NDUFAF6: variants seen among roughly 807,000 people sequenced by gnomAD.
NDUFAF6 encodes NADH dehydrogenase (ubiquinone) complex I, assembly factor 6.
NDUFAF6 carries 45 observed loss-of-function variants against 40.8 expected under a neutral mutation model. The observed-to-expected ratio is 1.10, with a 90% CI of 0.87 to 1.42. The LOEUF (loss-of-function observed/expected upper bound fraction) is 1.42, where lower values mean the gene tolerates loss of function less well. NDUFAF6 is among the 40% of genes most tolerant of loss of function. The pLI is 0.00. For synonymous variants in NDUFAF6, 185 were observed against 155.9 expected (o/e 1.19, Z -1.39); for missense variants, 435 against 418.5 (o/e 1.04, Z -0.34).
intron 2 of NDUFAF6, chr8:95,101,330 T>C (rs1448671445): frequency 6.6e-6 from 1 of 152,164 alleles, no homozygotes; most frequent in East Asian, 1.9e-4. Context: ...AATAGTAGAA[T>C]CTTAGATTTG....
chr8:94,914,429 T>C (rs1818991178), intron 1 of NDUFAF6, among the ~76,000 whole-genome samples: 1 of 152,198 alleles, frequency 6.6e-6, no homozygotes, highest in South Asian at 2.1e-4. Flanking sequence ...GTGAGTTACA[T>C]GTACCTCTCA....
At chr8:95,005,050 G>A (rs1017217257) in intron 2 of NDUFAF6, among the ~76,000 whole-genome samples, 4 of 152,118 alleles carry the variant, frequency 2.6e-5, no homozygotes, top group South Asian at 2.1e-4. Flanking sequence ...TATAGAAATA[G>A]CAGGATTTTT....
intron 2 of NDUFAF6, among the ~76,000 whole-genome samples, chr8:94,948,472 CAA>C (rs1481007444): frequency 1.3e-5 from 2 of 152,228 alleles, no homozygotes; most frequent in Admixed American, 1.3e-4. Flanking sequence ...TCCACAGGTG[CAA>C]AGTCAGGTAG....
intron 2 of NDUFAF6, among the ~76,000 whole-genome samples, chr8:94,947,274 C>CA (rs1199887826): frequency 3.0e-5 from 3 of 99,562 alleles, no homozygotes; most frequent in Non-Finnish European, 6.6e-5. Flanking sequence ...TAGGCGGCTC[C>CA]AAAAAATATT....
At chr8:95,021,089 G>A (rs59885548), upstream of NDUFAF6, among the ~76,000 whole-genome samples, 2,225 of 152,260 alleles carry the variant, frequency 0.015, 59 homozygotes, top group African/African-American at 0.05. Context: ...TTTTTGTTGG[G>A]TTTGTCTTTC....
At chr8:95,104,290 T>C (rs1043163558), downstream of NDUFAF6, among the ~76,000 whole-genome samples, 1 of 152,246 alleles carries the variant, frequency 6.6e-6, no homozygotes, top group African/African-American at 2.4e-5. Context: ...ATCCTCATTC[T>C]TCCGTGGAAA....
chr8:94,949,710 G>A (rs78509084), intron 2 of NDUFAF6, among the ~76,000 whole-genome samples: 3,468 of 152,292 alleles, frequency 0.023, 54 homozygotes, highest in African/African-American at 0.039. Context: ...GAACCGGCGG[G>A]CAACGGGAAG....
intron 9 of NDUFAF6, among the ~76,000 whole-genome samples, chr8:95,065,483 A>G (rs1428913145): frequency 6.6e-6 from 1 of 152,156 alleles, no homozygotes; most frequent in Non-Finnish European, 1.5e-5. Context: ...TACATTCTAC[A>G]TATTGTTTTT....
At chr8:94,967,624 C>G (rs747354461) in intron 1 of NDUFAF6, among the ~76,000 whole-genome samples, 1 of 151,994 alleles carries the variant, frequency 6.6e-6, no homozygotes. Flanking sequence ...CTTCGGTTCT[C>G]TCATAAGGCT....
chr8:94,957,223 G>A (rs546638280), upstream of NDUFAF6, among the ~76,000 whole-genome samples: 1 of 152,234 alleles, frequency 6.6e-6, no homozygotes, highest in Non-Finnish European at 1.5e-5. Context: ...CACAAACTGA[G>A]CTTGAAATGC....
intron 1 of NDUFAF6, among the ~76,000 whole-genome samples, chr8:94,896,108 A>C (rs1586565583): frequency 6.6e-6 from 1 of 151,276 alleles, no homozygotes; most frequent in Non-Finnish European, 1.5e-5. Flanking sequence ...TCTCTTCTCC[A>C]CCTCCAATTC....
chr8:94,916,464 A>G (rs1051692475), intron 1 of NDUFAF6, among the ~76,000 whole-genome samples: 2 of 152,228 alleles, frequency 1.3e-5, no homozygotes, highest in African/African-American at 2.4e-5. Context: ...TTTACTTAGT[A>G]TTTACATTTA....
chr8:94,945,037 G>A (rs1257849511), intron 1 of NDUFAF6, among the ~76,000 whole-genome samples: 1 of 152,136 alleles, frequency 6.6e-6, no homozygotes. Context: ...ATGAACACTT[G>A]AAATGTGACT....
At chr8:95,035,370 T>C in intron 2 of NDUFAF6, 84 bp from the exon 3 acceptor site, 4 of 1,458,058 alleles carry the variant, frequency 2.7e-6, no homozygotes, top group Non-Finnish European at 3.8e-6. Flanking sequence ...AACAGTTACA[T>C]TAACTCAAAA....
At chr8:95,021,268 C>T (rs1046254201), upstream of NDUFAF6, among the ~76,000 whole-genome samples, 2 of 152,116 alleles carry the variant, frequency 1.3e-5, no homozygotes, top group Non-Finnish European at 2.9e-5. Context: ...GGGATTATCA[C>T]CAAATGGCCT....
intron 1 of NDUFAF6, among the ~76,000 whole-genome samples, chr8:94,936,082 G>A (rs1264805100): frequency 6.6e-6 from 1 of 152,192 alleles, no homozygotes; most frequent in Non-Finnish European, 1.5e-5. Flanking sequence ...ACACCTCTCA[G>A]TAACAACTAC....
intron 1 of NDUFAF6, among the ~76,000 whole-genome samples, chr8:94,911,870 G>C (rs1012925417): frequency 1.3e-5 from 2 of 152,216 alleles, no homozygotes; most frequent in African/African-American, 2.4e-5. Flanking sequence ...GGTTTGAGCT[G>C]AGGGGTCTGT....
intron 1 of NDUFAF6, among the ~76,000 whole-genome samples, chr8:94,914,823 G>A (rs1194134249): frequency 1.3e-4 from 19 of 148,346 alleles, no homozygotes; most frequent in Non-Finnish European, 2.7e-4. Flanking sequence ...AGGCGGAGGC[G>A]TCTCAAAAAA....
chr8:95,011,919 G>A (rs952192117), intron 2 of NDUFAF6, among the ~76,000 whole-genome samples: 6 of 152,122 alleles, frequency 3.9e-5, no homozygotes, highest in African/African-American at 1.4e-4. Context: ...TCTCTTTCCT[G>A]TACTGAAATT....
Sources: allele counts gnomAD v4.1 joint callset (sites outside exome capture counted in the v4.1 genomes callset), GRCh38; gene constraint gnomAD v4.1.1; transcripts MANE v1.5; gene names NCBI Gene and HGNC (gene_info 2026-07-23, HGNC 2026-07-21).